GABPB1: variants seen among roughly 807,000 people sequenced by gnomAD.
GABPB1 encodes GA-binding protein subunit beta-1.
Under a neutral mutation model 45.9 loss-of-function variants are expected in GABPB1, and 15 were observed. That is an observed-to-expected ratio of 0.33 (90% confidence interval 0.22 to 0.50). GABPB1 has a LOEUF of 0.50. GABPB1 is among the 20% of genes least tolerant of loss of function. The pLI, the probability that GABPB1 is intolerant of heterozygous loss-of-function variation, is 0.98. For synonymous variants in GABPB1, 143 were observed against 154.4 expected, an observed-to-expected ratio of 0.93 and a Z score of 0.55; for missense variants, 252 against 457.5, an observed-to-expected ratio of 0.55 and a Z score of 4.10.
chr15:50,332,181 C>T (rs2047971434), intron 1 of GABPB1, among the ~76,000 whole-genome samples: 1 of 151,986 alleles, frequency 6.6e-6, no homozygotes, highest in African/African-American at 2.4e-5. Context: ...AGCCCCCTGT[C>T]CAGTTTCTTT....
At chr15:50,287,185 T>C (rs906935420) in intron 7 of GABPB1, among the ~76,000 whole-genome samples, 2 of 152,178 alleles carry the variant, frequency 1.3e-5, no homozygotes, top group African/African-American at 2.4e-5. Context: ...ATGTAAACTA[T>C]ATATTTTTAA....
intron 1 of GABPB1, among the ~76,000 whole-genome samples, chr15:50,340,887 C>CATATTACATATGGTTTATTACCATATGTA (rs2048337832): frequency 5.8e-5 from 1 of 17,140 alleles, no homozygotes; most frequent in African/African-American, 4.6e-4. Flanking sequence ...TGTAATATTA[C>CATATTACATATGGTTTATTACCATATGTA]ATATTACATA....
intron 1 of GABPB1, among the ~76,000 whole-genome samples, chr15:50,314,174 TA>T (rs2047226963): frequency 7.4e-6 from 1 of 134,484 alleles, no homozygotes; most frequent in Non-Finnish European, 1.7e-5. Flanking sequence ...ACGGTAGATT[TA>T]TTTATTTATT....
intron 7 of GABPB1, among the ~76,000 whole-genome samples, chr15:50,288,974 T>C (rs1362572505): frequency 6.6e-6 from 1 of 152,070 alleles, no homozygotes; most frequent in Non-Finnish European, 1.5e-5. Context: ...TATCAGCAAA[T>C]GTCACCATGC....
chr15:50,352,719 T>G (rs1269803583), intron 1 of GABPB1: 3 of 152,246 alleles, frequency 2.0e-5, no homozygotes, highest in Non-Finnish European at 4.4e-5. Flanking sequence ...TTCTAACAAT[T>G]ACACGAAGAA....
At chr15:50,333,933 G>A (rs1230821641) in intron 1 of GABPB1, among the ~76,000 whole-genome samples, 1 of 151,692 alleles carries the variant, frequency 6.6e-6, no homozygotes, top group African/African-American at 2.4e-5. Context: ...GGGAGGCTGA[G>A]GCAGGAGAAT....
At chr15:50,346,587 G>GTTT (rs67151288) in intron 1 of GABPB1, among the ~76,000 whole-genome samples, 20,467 of 119,798 alleles carry the variant, frequency 0.17, 2,628 homozygotes, top group Middle Eastern at 0.21. Context: ...ACAACAGAAA[G>GTTT]TTTTTTTTTT....
At chr15:50,288,619 G>A (rs2046243371) in intron 7 of GABPB1, among the ~76,000 whole-genome samples, 1 of 152,092 alleles carries the variant, frequency 6.6e-6, no homozygotes, top group Admixed American at 6.5e-5. Context: ...TGCCCTGGCT[G>A]TAATGGCTTC....
intron 1 of GABPB1, among the ~76,000 whole-genome samples, chr15:50,346,981 G>A (rs1008572078): frequency 2.6e-5 from 4 of 151,794 alleles, no homozygotes; most frequent in Admixed American, 6.6e-5. Context: ...GTAGAGATGG[G>A]GTTTCACCAT....
At chr15:50,286,732 G>C (rs2046171242) in intron 7 of GABPB1, among the ~76,000 whole-genome samples, 1 of 152,080 alleles carries the variant, frequency 6.6e-6, no homozygotes, top group Admixed American at 6.5e-5. Context: ...TCCATTATGA[G>C]CACTGATAGT....
chr15:50,293,200 C>T (rs2046408716), intron 6 of GABPB1, among the ~76,000 whole-genome samples: 2 of 152,116 alleles, frequency 1.3e-5, no homozygotes, highest in South Asian at 4.1e-4. Flanking sequence ...GAGTTTCTAT[C>T]AACTCACAGT....
intron 2 of GABPB1, among the ~76,000 whole-genome samples, chr15:50,308,484 G>A (rs2047019883): frequency 6.6e-6 from 1 of 152,196 alleles, no homozygotes; most frequent in Non-Finnish European, 1.5e-5. Context: ...GCAAGGGCAG[G>A]AGCAGACAGG....
At chr15:50,305,808 G>T (rs1322683461) in intron 2 of GABPB1, among the ~76,000 whole-genome samples, 1 of 151,816 alleles carries the variant, frequency 6.6e-6, no homozygotes, top group Non-Finnish European at 1.5e-5. Context: ...CTGAGACAGG[G>T]TCTCACTCTG....
intron 2 of GABPB1, among the ~76,000 whole-genome samples, chr15:50,306,655 A>G (rs2046961109): frequency 6.6e-6 from 1 of 151,234 alleles, no homozygotes; most frequent in Admixed American, 6.6e-5. Flanking sequence ...ATCTTCCCAC[A>G]TGCCACTCCC....
At chr15:50,284,491 C>T (rs938846650) in intron 8 of GABPB1, among the ~76,000 whole-genome samples, 2 of 152,154 alleles carry the variant, frequency 1.3e-5, no homozygotes, top group Non-Finnish European at 2.9e-5. Flanking sequence ...GCCCTAGTTA[C>T]TTTATATACC....
At chr15:50,333,921 T>C (rs1160237658) in intron 1 of GABPB1, among the ~76,000 whole-genome samples, 1 of 150,788 alleles carries the variant, frequency 6.6e-6, no homozygotes, top group Non-Finnish European at 1.5e-5. Context: ...TCTCAGCTAT[T>C]AGGGAGGCTG....
At chr15:50,291,904 TGA>T in intron 6 of GABPB1, among the ~76,000 whole-genome samples, 1 of 129,568 alleles carries the variant, frequency 7.7e-6, no homozygotes. Flanking sequence ...GGTGACAGAG[TGA>T]GACTCTGTCT....
At chr15:50,314,183 AT>A (rs879259395) in intron 1 of GABPB1, among the ~76,000 whole-genome samples, 1 of 115,540 alleles carries the variant, frequency 8.7e-6, no homozygotes, top group Admixed American at 9.3e-5. Flanking sequence ...TTATTTATTT[AT>A]TTATTTATTT....
chr15:50,279,722 G>C (rs2045916366), intron 8 of GABPB1, among the ~76,000 whole-genome samples: 1 of 152,182 alleles, frequency 6.6e-6, no homozygotes, highest in Non-Finnish European at 1.5e-5. Flanking sequence ...CCAGGTCTTA[G>C]GAATGAGGCA....
Sources: allele counts gnomAD v4.1 joint callset (sites outside exome capture counted in the v4.1 genomes callset), GRCh38; gene constraint gnomAD v4.1.1; transcripts MANE v1.5; gene names NCBI Gene and HGNC (gene_info 2026-07-23, HGNC 2026-07-21).